ZNF33A: variants seen among roughly 807,000 people sequenced by gnomAD.
ZNF33A encodes zinc finger protein 33A.
A neutral mutation model predicts 15.9 loss-of-function variants in ZNF33A; 9 were observed. The observed-to-expected ratio is 0.57, with a 90% CI of 0.34 to 0.99. The LOEUF is 0.99. ZNF33A is among the 50% of genes least tolerant of loss of function. The pLI, the probability that ZNF33A is intolerant of heterozygous loss-of-function variation, is 0.02. For missense variants in ZNF33A, 843 were observed against 941.6 expected, an observed-to-expected ratio of 0.90 and a Z score of 1.37; for synonymous variants, 294 against 324.2, an observed-to-expected ratio of 0.91 and a Z score of 1.00.
At chr10:38,028,591 C>T (rs1049247819) in intron 4 of ZNF33A, among the ~76,000 whole-genome samples, 3 of 152,010 alleles carry the variant, frequency 2.0e-5, no homozygotes, top group Non-Finnish European at 2.9e-5. Flanking sequence ...CCTCAGCCTC[C>T]CAAGTAGCTG....
intron 4 of ZNF33A, among the ~76,000 whole-genome samples, chr10:38,049,919 T>G (rs1445350057): frequency 6.6e-6 from 1 of 152,140 alleles, no homozygotes; most frequent in Non-Finnish European, 1.5e-5. Context: ...TGTGAGGAAG[T>G]GAGGAAATAC....
rs1564841343 is a variant in ZNF33A, at chr10:38,024,175, A to AAAAAAAG, written c.250+6796_250+6802dup. ...CTCAAAAACAAAACAAAAAAAAAAA[A>AAAAAAAG]AAAAAAGAAAAAATGTAAACCTCCC... On this transcript the variant is annotated intron_variant, in intron 4 of 4. Coordinates refer to ENST00000432900, the MANE Select transcript of ZNF33A (RefSeq NM_006954.2). Among the ~76,000 whole-genome samples the AAAAAAAG allele has an allele frequency of 4.4e-4, 63 of 144,692 alleles. 2 individuals carry two copies. The highest frequency in any genetic ancestry group is 1.0e-3 in the East Asian group (5 of 4,890). 94.9% of individuals were successfully genotyped at this position (144,692 alleles called of 152,430 possible).
At position 38,010,860 on chromosome 10, in the gene ZNF33A, C is replaced by G. The variant is rs894232808; in HGVS notation, c.-45+77C>G. On this transcript the variant is annotated intron_variant, in intron 1 of 4. Transcript: ENST00000432900. ...TGGGGCGGGCGGCAGGGGGCCGGTA[C>G]CAAGTGGTGGGGAGGAGGCCCGGGG... is the stretch of plus-strand genomic sequence containing the variant. The G allele has an allele frequency of 1.9e-6, 3 of 1,569,164 alleles. No individual in the cohort carries two copies. In the African/African-American group the frequency reaches 4.0e-5, roughly 21 times the overall value.
intron 2 of ZNF33A, among the ~76,000 whole-genome samples, chr10:38,012,951 G>A (rs1183403805): frequency 2.6e-5 from 4 of 152,108 alleles, no homozygotes; most frequent in South Asian, 4.1e-4. Context: ...TACCTTTTTT[G>A]GTCATAACAT....
chr10:38,060,475 C>T (rs2066643079), downstream of ZNF33A, among the ~76,000 whole-genome samples: 2 of 152,208 alleles, frequency 1.3e-5, no homozygotes, highest in Non-Finnish European at 2.9e-5. Flanking sequence ...CGCCACAACC[C>T]CTCCTTTTCC....
chr10:38,013,975 A>C (rs1564830665), intron 2 of ZNF33A, among the ~76,000 whole-genome samples: 1 of 146,762 alleles, frequency 6.8e-6, no homozygotes, highest in Non-Finnish European at 1.5e-5. Flanking sequence ...TCAGTGGCAG[A>C]GTTGAATAGT....
rs1418144587 is a variant in ZNF33A, at chr10:38,059,989, T to A, written c.*3429T>A. The A allele has an allele frequency of 1.1e-6, 1 of 928,138 alleles. No individual in the cohort carries two copies. Among genetic ancestry groups the A allele is most frequent in the African/African-American group, 1.8e-5 (1 of 56,086 alleles). 57.5% of individuals were successfully genotyped at this position (928,138 alleles called of 1,614,324 possible). ...GAATTCTCTATACTTTTTGCTCAAC[T>A]TTCTGTAACCCTAAAGCTACTCTAA... is the stretch of plus-strand genomic sequence containing the variant. On this transcript the variant is annotated 3_prime_UTR_variant, in exon 5 of 5. Transcript: ENST00000432900.
chr10:38,035,119 T>TTC (rs1217516789), intron 4 of ZNF33A, among the ~76,000 whole-genome samples: 42 of 136,726 alleles, frequency 3.1e-4, no homozygotes, highest in African/African-American at 1.2e-3. Flanking sequence ...TTCTTTTTTT[T>TTC]TTTTTTTTTT....
intron 4 of ZNF33A, chr10:38,039,631 T>C (rs1197841031): frequency 2.2e-6 from 1 of 450,194 alleles, no homozygotes; most frequent in Non-Finnish European, 4.4e-6. Context: ...TTTTGTTTTA[T>C]GGATTTTCCC....
At chr10:38,012,021 C>T (rs1455139070) in intron 1 of ZNF33A, among the ~76,000 whole-genome samples, 1 of 152,088 alleles carries the variant, frequency 6.6e-6, no homozygotes, top group Non-Finnish European at 1.5e-5. Context: ...AGATTGAAAT[C>T]CTTAGGAAGC....
chr10:38,019,211 C>T (rs1242359506), intron 4 of ZNF33A, among the ~76,000 whole-genome samples: 3 of 150,812 alleles, frequency 2.0e-5, no homozygotes, highest in Non-Finnish European at 4.4e-5. Flanking sequence ...GTTCAATTCT[C>T]ACCTGTGAGT....
intron 4 of ZNF33A, among the ~76,000 whole-genome samples, chr10:38,042,622 C>T (rs1258650795): frequency 3.3e-5 from 5 of 151,058 alleles, no homozygotes; most frequent in East Asian, 2.0e-4. Context: ...AGGATCCCAT[C>T]TCATTGCAGC....
At chr10:38,035,111 C>CTTTTTTTTTTTT (rs71007683) in intron 4 of ZNF33A, among the ~76,000 whole-genome samples, 58 of 85,778 alleles carry the variant, frequency 6.8e-4, no homozygotes, top group South Asian at 2.1e-3. Context: ...CATTTACTTT[C>CTTTTTTTTTTTT]TTTTTTTTTT....
chr10:38,056,154 A>G lies in ZNF33A; in HGVS notation c.2030A>G (p.Lys677Arg). Residue 677 changes from lysine (K) to arginine (R), a missense_variant, in exon 5 of 5, where the codon AAA (lysine) becomes AGA (arginine). Physicochemically the swap from Lys to Arg is conservative, Grantham distance 26. Coordinates refer to ENST00000432900, the MANE Select transcript of ZNF33A (RefSeq NM_006954.2). ...GAATGTGGAAAATCTTTCTGTGTAA[A>G]ATCAGGACTTATTTTCCATGAGAGA... ...CNECGKSFCV[K>R]SGLIFHERKH... 1 of 1,614,166 alleles carries G rather than the reference A, an allele frequency of 6.2e-7. No homozygotes were observed. Among genetic ancestry groups the G allele is most frequent in the East Asian group, 2.2e-5 (1 of 44,872 alleles).
intron 4 of ZNF33A, among the ~76,000 whole-genome samples, chr10:38,030,018 T>A (rs2065144066): frequency 6.6e-6 from 1 of 152,164 alleles, no homozygotes; most frequent in African/African-American, 2.4e-5. Flanking sequence ...TGAGGATAAA[T>A]GCAAAGAGAC....
intron 4 of ZNF33A, among the ~76,000 whole-genome samples, chr10:38,041,443 T>C (rs1289278613): frequency 1.3e-5 from 2 of 152,138 alleles, no homozygotes; most frequent in African/African-American, 4.8e-5. Context: ...CTTATCAAAA[T>C]CTACTTCAGA....
At chr10:38,053,283 T>G (rs1392278129) in intron 4 of ZNF33A, among the ~76,000 whole-genome samples, 1 of 152,124 alleles carries the variant, frequency 6.6e-6, no homozygotes, top group Non-Finnish European at 1.5e-5. Context: ...TCTGGTTAGG[T>G]CTCACTCCTT....
At chr10:38,045,172 C>A (rs1354464934) in intron 4 of ZNF33A, among the ~76,000 whole-genome samples, 1 of 152,162 alleles carries the variant, frequency 6.6e-6, no homozygotes, top group East Asian at 1.9e-4. Flanking sequence ...TCTATTCTCT[C>A]TAGGGCTTGT....
rs186224171 is a variant in ZNF33A at position 38,044,943 on chromosome 10, C to T, written c.251-9432C>T. On this transcript the variant is annotated intron_variant, in intron 4 of 4. Coordinates refer to ENST00000432900, the MANE Select transcript of ZNF33A (RefSeq NM_006954.2). ...TCGACCTCCCAAAGTACTGGGATTA[C>T]AGGCGTGAGCCACCGTGTCTGGCCC... Among the ~76,000 whole-genome samples the T allele has an allele frequency of 2.7e-3, 417 of 152,334 alleles. 2 individuals are homozygous for T. Among genetic ancestry groups the T allele is most frequent in the African/African-American group, 9.6e-3 (400 of 41,576 alleles).
Sources: gnomAD v4.1 joint callset for allele counts (sites outside exome capture counted in the v4.1 genomes callset) on GRCh38, gnomAD v4.1.1 for gene constraint, MANE v1.5 for transcripts, NCBI Gene and HGNC (gene_info 2026-07-23, HGNC 2026-07-21) for gene names.